Variants in GABRB3 observed in about 807,000 individuals in gnomAD.
GABRB3 encodes gamma-aminobutyric acid receptor subunit beta-3.
In GABRB3, 14 loss-of-function variants were observed where a neutral mutation model predicts 52.1. That is an observed-to-expected ratio of 0.27 (90% CI 0.18 to 0.42). GABRB3 has a LOEUF of 0.42. GABRB3 is among the 10% of genes least tolerant of loss of function. The pLI, the probability that GABRB3 is intolerant of heterozygous loss-of-function variation, is 1.00. For synonymous variants in GABRB3, 260 were observed against 232.3 expected, an observed-to-expected ratio of 1.12 and a Z score of -1.08; for missense variants, 307 against 609.1, an observed-to-expected ratio of 0.50 and a Z score of 5.22.
In GABRB3 at chr15:26,561,251, T is replaced by C. The variant is rs1005770789; in HGVS notation, c.836-75A>G. 29 of 1,598,162 alleles carry C rather than the reference T, an allele frequency of 1.8e-5. No individual in the cohort carries two copies. In the Admixed American group the frequency reaches 4.2e-4, roughly 23 times the overall value. On this transcript the variant is annotated intron_variant, in intron 7 of 8. Coordinates refer to ENST00000311550, the MANE Select transcript of GABRB3 (RefSeq NM_000814.6). ...TTCACTTTTCACTTTCCTTTTATGT[T>C]TTCTCAAACAGCTTTAAGTAGTCAG...
At chr15:26,648,751 AG>A (rs1245224847) in intron 3 of GABRB3, among the ~76,000 whole-genome samples, 2 of 152,250 alleles carry the variant, frequency 1.3e-5, no homozygotes. Context: ...GTGCGTCAGC[AG>A]GGCGAGGCAG....
chr15:26,563,343 A>G (rs535722204), intron 7 of GABRB3, among the ~76,000 whole-genome samples: 1 of 152,346 alleles, frequency 6.6e-6, no homozygotes, highest in African/African-American at 2.4e-5. Flanking sequence ...CCTAACAATA[A>G]GATTTCACAG....
At chr15:26,759,231 G>A (rs1890745260) in intron 3 of GABRB3, among the ~76,000 whole-genome samples, 1 of 150,964 alleles carries the variant, frequency 6.6e-6, no homozygotes, top group Admixed American at 6.6e-5. Context: ...AATAAGACTA[G>A]GAATAAAAAA....
chr15:26,559,243 G>C (rs1322759228), intron 8 of GABRB3, among the ~76,000 whole-genome samples: 1 of 152,148 alleles, frequency 6.6e-6, no homozygotes, highest in African/African-American at 2.4e-5. Flanking sequence ...TGATCTGGCT[G>C]TTTCAAAGTA....
intron 3 of GABRB3, among the ~76,000 whole-genome samples, chr15:26,763,415 A>G (rs933093153): frequency 6.6e-6 from 1 of 152,186 alleles, no homozygotes; most frequent in Non-Finnish European, 1.5e-5. Flanking sequence ...TCACTCGACA[A>G]ATATTTACCA....
intron 7 of GABRB3, among the ~76,000 whole-genome samples, chr15:26,561,831 A>G (rs994837166): frequency 1.3e-5 from 2 of 152,258 alleles, no homozygotes; most frequent in African/African-American, 4.8e-5. Context: ...TTCCCTCCTC[A>G]ACTAAGAAAG....
At chr15:26,721,659 G>C (rs1334080573) in intron 3 of GABRB3, among the ~76,000 whole-genome samples, 1 of 151,842 alleles carries the variant, frequency 6.6e-6, no homozygotes, top group Non-Finnish European at 1.5e-5. Context: ...GTAAAGGGTA[G>C]AGGGGAAATT....
At position 26,554,043 on chromosome 15, in the gene GABRB3, A is replaced by ATATT. The variant is rs1487375439; in HGVS notation, c.1081-5910_1081-5909insAATA. Among the ~76,000 whole-genome samples, 63 of 108,132 alleles carry ATATT rather than the reference A, an allele frequency of 5.8e-4. 11 individuals are homozygous for ATATT. The highest frequency in any genetic ancestry group is 2.3e-3 in the African/African-American group (62 of 26,888). The allele number at this position is 108,132 out of a possible 152,430, so 70.9% of individuals were successfully genotyped here. A position where few individuals can be genotyped will look rare whatever the true frequency, so the allele number is the denominator to read the frequency against. The stretch of plus-strand genomic sequence containing the variant: ...TATTTATATATATATATATTTATTT[A>ATATT]TTTATATTTATTTATATATAAAGTG... On this transcript the variant is annotated intron_variant, in intron 8 of 8. Transcript: ENST00000311550.
At chr15:26,619,436 C>T (rs911046804) in intron 4 of GABRB3, among the ~76,000 whole-genome samples, 3 of 146,530 alleles carry the variant, frequency 2.0e-5, no homozygotes, top group African/African-American at 5.1e-5. Flanking sequence ...CCAAACACCG[C>T]ATATTCTTAC....
chr15:26,598,500 T>G (rs1473345728), intron 4 of GABRB3, among the ~76,000 whole-genome samples: 1 of 152,072 alleles, frequency 6.6e-6, no homozygotes, highest in Non-Finnish European at 1.5e-5. Flanking sequence ...GAAACAAGCC[T>G]GAGACATCCA....
At chr15:26,760,805 G>GCATGCACACACACA (rs1555383014) in intron 3 of GABRB3, among the ~76,000 whole-genome samples, 1 of 17,630 alleles carries the variant, frequency 5.7e-5, no homozygotes, top group African/African-American at 2.2e-4. Context: ...ACACACACGC[G>GCATGCACACACACA]CACGCACACA....
intron 3 of GABRB3, among the ~76,000 whole-genome samples, chr15:26,753,249 G>A (rs984794987): frequency 6.6e-5 from 10 of 152,136 alleles, no homozygotes; most frequent in Non-Finnish European, 1.3e-4. Context: ...CACATCAAGC[G>A]GGCACTGTAG....
chr15:26,631,791 T>G (rs1159553291), intron 3 of GABRB3, among the ~76,000 whole-genome samples: 1 of 152,224 alleles, frequency 6.6e-6, no homozygotes, highest in Non-Finnish European at 1.5e-5. Context: ...ACAACAGACT[T>G]CGATGGTATC....
In GABRB3 at chr15:26,651,145, A is replaced by C. The variant is rs149136350; in HGVS notation, c.241-29611T>G. Among the ~76,000 whole-genome samples, 3 of 152,264 alleles carry C rather than the reference A, an allele frequency of 2.0e-5. 1 individual carries two copies. Among genetic ancestry groups the C allele is most frequent in the Non-Finnish European group, 1.5e-5 (1 of 68,026 alleles). On this transcript the variant is annotated intron_variant, in intron 3 of 8. Transcript: ENST00000311550. ...CCACAAGGGGCCAACTGAGCTGCTA[A>C]CACACTGCCATCTGCAGACAGTGGA...
At chr15:26,602,330 T>C (rs548339097) in intron 4 of GABRB3, among the ~76,000 whole-genome samples, 2 of 152,266 alleles carry the variant, frequency 1.3e-5, no homozygotes, top group African/African-American at 2.4e-5. Context: ...CAACAAGCCA[T>C]GTTCAGCATT....
At chr15:26,650,936 C>T (rs1431967643) in intron 3 of GABRB3, among the ~76,000 whole-genome samples, 1 of 152,130 alleles carries the variant, frequency 6.6e-6, no homozygotes, top group Admixed American at 6.5e-5. Flanking sequence ...CTACTGAGAG[C>T]CATGTTCATC....
intron 8 of GABRB3, among the ~76,000 whole-genome samples, chr15:26,556,122 A>G (rs956403021): frequency 6.6e-6 from 1 of 152,104 alleles, no homozygotes; most frequent in Non-Finnish European, 1.5e-5. Flanking sequence ...TTTCATGAAT[A>G]CTCTTTATTT....
At chr15:26,683,847 T>C (rs1888317800) in intron 3 of GABRB3, among the ~76,000 whole-genome samples, 1 of 152,034 alleles carries the variant, frequency 6.6e-6, no homozygotes, top group South Asian at 2.1e-4. Flanking sequence ...ATGAAGAATG[T>C]CTCCAATCGG....
rs191054503 is a variant in GABRB3, at chr15:26,759,198, T to C, written c.240+13204A>G. ...TGCAGCGGTTTACTTGCTCGGACTT[T>C]ATGTATATAAAATTTTTTCATTAAT... On this transcript the variant is annotated intron_variant, in intron 3 of 8. Transcript: ENST00000311550. Among the ~76,000 whole-genome samples the C allele has an allele frequency of 2.9e-4, 44 of 152,252 alleles. No homozygotes were observed. The East Asian group carries it at 7.3e-3, about 25-fold the overall frequency.
Sources: gnomAD v4.1 joint callset for allele counts (sites outside exome capture counted in the v4.1 genomes callset) on GRCh38, gnomAD v4.1.1 for gene constraint, MANE v1.5 for transcripts, NCBI Gene and HGNC (gene_info 2026-07-23, HGNC 2026-07-21) for gene names.